AP5Z1: variants seen among roughly 807,000 people sequenced by gnomAD.
AP5Z1 encodes the protein AP-5 complex subunit zeta-1.
AP5Z1 carries 106 observed loss-of-function variants against 83.0 expected under a neutral mutation model. The ratio of observed to expected loss-of-function variants is 1.28; its 90% confidence interval spans 1.09 to 1.50. The LOEUF is 1.50. Ranked by LOEUF, AP5Z1 falls within the 40% of genes most tolerant of loss-of-function variation. AP5Z1 has a pLI of 0.00. For missense variants in AP5Z1, 1,565 were observed against 1,094.2 expected, an observed-to-expected ratio of 1.43 and a Z score of -6.07; for synonymous variants, 751 against 514.1, an observed-to-expected ratio of 1.46 and a Z score of -6.23.
chr7:4,776,756 A>G (rs570841154), intron 1 of AP5Z1, among the ~76,000 whole-genome samples: 25 of 152,112 alleles, frequency 1.6e-4, no homozygotes, highest in African/African-American at 5.8e-4. Flanking sequence ...GAAAAAAAGT[A>G]AAGAAAATAC....
chr7:4,785,606 G>T lies in AP5Z1; in HGVS notation c.1054G>T (p.Ala352Ser). 1.3e-6 allele frequency: 2 copies of T among 1,592,440 alleles called. No homozygotes were observed. The highest frequency in any genetic ancestry group is 8.5e-7 in the Non-Finnish European group (1 of 1,171,718). ...GTACCGAAGTCTCTCCTGCCTGAAGGCCCTGCACGGGCGGGTGCGCGGGGA... is the reference window on the plus strand; with the variant it reads ...GTACCGAAGTCTCTCCTGCCTGAAGTCCCTGCACGGGCGGGTGCGCGGGGA... ...FLYRSLSCLK[A>S]LHGRVRGDPA... The change falls in exon 9 of 17, where the codon GCC becomes TCC. Residue 352 changes from alanine (A) to serine (S), a missense_variant. Physicochemically the swap from Ala to Ser is moderately conservative, Grantham distance 99. Transcript: ENST00000649063.
intron 3 of AP5Z1, among the ~76,000 whole-genome samples, chr7:4,782,434 A>C (rs1781406815): frequency 6.6e-6 from 1 of 152,048 alleles, no homozygotes; most frequent in African/African-American, 2.4e-5. Context: ...ATCTCTGCTC[A>C]TGGGTTGCCC....
chr7:4,788,460 C>G, intron 12 of AP5Z1, 166 bp downstream of exon 12: 7 of 860,030 alleles, frequency 8.1e-6, no homozygotes, highest in South Asian at 2.3e-5. Flanking sequence ...TTCTGCACCA[C>G]GGGTCTGCCG....
intron 1 of AP5Z1, among the ~76,000 whole-genome samples, chr7:4,779,316 C>CAACACGTTATATATGATATATAACAT: frequency 6.8e-6 from 1 of 146,014 alleles, no homozygotes; most frequent in Non-Finnish European, 1.5e-5. Context: ...ACGTATATAA[C>CAACACGTTATATATGATATATAACAT]ATAACACGTT....
chr7:4,783,572 C>A, intron 4 of AP5Z1, 112 bp downstream of exon 4: 1 of 1,538,930 alleles, frequency 6.5e-7, no homozygotes, highest in Admixed American at 1.9e-5. Context: ...ACGGGGAGGC[C>A]CGAGGGTTTG....
rs550686881 is a variant in AP5Z1 at position 4,789,852 on chromosome 7, C to A, written c.1728C>A (p.Ile576=). The change falls in exon 14 of 17, where the codon ATC becomes ATA. Residue 576 remains isoleucine (I), a synonymous_variant. Coordinates refer to ENST00000649063, the MANE Select transcript of AP5Z1 (RefSeq NM_014855.3). ...CCCAGGTGGCTGACGGGTCCCTGAT[C>A]AACCAGCTGGCGCTGCTGCTCCTGG... is the stretch of plus-strand genomic sequence containing the variant. ...AVTQVADGSL[I]NQLALLLLGR... The A allele has an allele frequency of 1.4e-4, 215 of 1,552,672 alleles. 3 individuals carry two copies. The South Asian group carries it at 2.4e-3, about 17-fold the overall frequency.
rs1781390908 is a variant in AP5Z1 at position 4,781,817 on chromosome 7, C to A, written c.366+63C>A. The A allele has an allele frequency of 5.5e-6, 8 of 1,453,568 alleles. No homozygotes were observed. In the Admixed American group the frequency reaches 7.1e-5, roughly 13 times the overall value. The allele number at this position is 1,453,568 out of a possible 1,614,324, so 90.0% of individuals were successfully genotyped here. A position where few individuals can be genotyped will look rare whatever the true frequency, so the allele number is the denominator to read the frequency against. On this transcript the variant is annotated intron_variant, in intron 3 of 16. Coordinates refer to ENST00000649063, the MANE Select transcript of AP5Z1 (RefSeq NM_014855.3). ...GCTGCTTCCCAAGGAACAGGGGAGACAGGAAGCAGGGGCGCCAGAGCCGGC... is the reference window on the plus strand; with the variant it reads ...GCTGCTTCCCAAGGAACAGGGGAGAAAGGAAGCAGGGGCGCCAGAGCCGGC...
chr7:4,781,454 G>A, intron 2 of AP5Z1, 114 bp from the exon 3 acceptor site: 1 of 1,534,330 alleles, frequency 6.5e-7, no homozygotes. Flanking sequence ...CCATCCTCAT[G>A]TAAAATGCTC....
rs762490448 is a variant in AP5Z1, at chr7:4,784,227, G to A, written c.646G>A (p.Gly216Arg). ...RQPGPVTEVD[G>R]AVATDFFTVL... ...GCCGGGCCCCGTCACCGAGGTGGAC[G>A]GGGCGGTAGCCACAGACTTCTTCAC... The change falls in exon 6 of 17, where the codon GGG becomes AGG. Residue 216 changes from glycine to arginine, a missense_variant. Gly to Arg is a moderately radical substitution (Grantham distance 125, BLOSUM62 -2). Transcript: ENST00000649063. 5.7e-6 allele frequency: 9 copies of A among 1,587,800 alleles called. No homozygotes were observed. Among genetic ancestry groups the A allele is most frequent in the East Asian group, 2.3e-5 (1 of 43,340 alleles).
At position 4,793,044 on chromosome 7, in the gene AP5Z1, C is replaced by T. The variant is rs1006590596; in HGVS notation, c.*1659C>T. On this transcript the variant is annotated 3_prime_UTR_variant, in exon 17 of 17. Transcript: ENST00000649063. ...CCCAGGCACTCGTGGGGCCACCGCC[C>T]AGGCCAGCTGGTGCTAAGTCCGCAG... 4 of 152,576 alleles carry T rather than the reference C, an allele frequency of 2.6e-5. No individual in the cohort carries two copies. The highest frequency in any genetic ancestry group is 9.6e-5 in the African/African-American group (4 of 41,472). 9.5% of individuals were successfully genotyped at this position (152,576 alleles called of 1,614,324 possible).
In AP5Z1 at chr7:4,791,642, T is replaced by G; in HGVS notation, c.*257T>G. On this transcript the variant is annotated 3_prime_UTR_variant, in exon 17 of 17. Transcript: ENST00000649063. ...CCATGGAGCGGCTCTGATTGGAGGC[T>G]TGAGGCCCTGTGGCTGGGTCGGGTG... 1.3e-5 allele frequency: 7 copies of G among 544,722 alleles called. No homozygotes were observed. The highest frequency in any genetic ancestry group is 1.3e-5 in the Non-Finnish European group (4 of 316,076). 33.7% of individuals were successfully genotyped at this position (544,722 alleles called of 1,614,324 possible).
intron 3 of AP5Z1, among the ~76,000 whole-genome samples, 169 bp downstream of exon 3, chr7:4,781,923 C>T (rs564269660): frequency 3.9e-5 from 6 of 152,292 alleles, no homozygotes; most frequent in East Asian, 3.9e-4. Flanking sequence ...TTGACTGGAA[C>T]GGGGTCCCAT....
intron 10 of AP5Z1, 51 bp from the exon 11 acceptor site, chr7:4,787,583 G>A (rs1055005849): frequency 5.8e-5 from 89 of 1,522,328 alleles, no homozygotes; most frequent in Non-Finnish European, 7.2e-5. Flanking sequence ...TCCCTCTGCC[G>A]CCTGCTCCAC....
chr7:4,786,759 G>A (rs1781558116), intron 10 of AP5Z1, among the ~76,000 whole-genome samples: 1 of 152,032 alleles, frequency 6.6e-6, no homozygotes, highest in Admixed American at 6.5e-5. Flanking sequence ...TTGGGCACTT[G>A]GGTGCCATTT....
chr7:4,783,226 T>A (rs1781431789), intron 3 of AP5Z1, 90 bp from the exon 4 acceptor site: 1 of 1,465,382 alleles, frequency 6.8e-7, no homozygotes, highest in Non-Finnish European at 9.1e-7. Flanking sequence ...CGACCGACGC[T>A]TCTCAGGAGT....
chr7:4,790,394 T>A, intron 14 of AP5Z1, 65 bp from the exon 15 acceptor site: 1 of 1,609,714 alleles, frequency 6.2e-7, no homozygotes, highest in African/African-American at 1.3e-5. Context: ...TCCAGGCCCT[T>A]GGCCTGGATG....
chr7:4,790,344 G>T (rs760837570), intron 14 of AP5Z1, 115 bp from the exon 15 acceptor site: 2 of 1,564,256 alleles, frequency 1.3e-6, no homozygotes, highest in South Asian at 1.2e-5. Flanking sequence ...CTATCGGAGG[G>T]TGCAGCATAC....
At chr7:4,783,173 G>A in intron 3 of AP5Z1, 143 bp from the exon 4 acceptor site, 3 of 1,297,692 alleles carry the variant, frequency 2.3e-6, no homozygotes, top group South Asian at 3.2e-5. Flanking sequence ...GGGTGGGCCT[G>A]CGCGGGACAT....
chr7:4,785,441 C>G lies in AP5Z1; in HGVS notation c.958C>G (p.Leu320Val), dbSNP rs767525962. 7 of 1,613,314 alleles carry G rather than the reference C, an allele frequency of 4.3e-6. No homozygotes were observed. The highest frequency in any genetic ancestry group is 4.0e-5 in the African/African-American group (3 of 74,950). ...RRALRKGDSD[L>V]QKACLVEAVL... ...AGCCCTGAGGAAGGGGGACTCCGACCTGCAGAAAGCTGTAAGTGGCTGGGG... is the reference window on the plus strand; with the variant it reads ...AGCCCTGAGGAAGGGGGACTCCGACGTGCAGAAAGCTGTAAGTGGCTGGGG... Residue 320 changes from leucine to valine, a missense_variant, in exon 8 of 17, where the codon CTG (leucine) becomes GTG (valine). Transcript: ENST00000649063.
Sources: allele counts gnomAD v4.1 joint callset (sites outside exome capture counted in the v4.1 genomes callset), GRCh38; gene constraint gnomAD v4.1.1; transcripts MANE v1.5; gene names NCBI Gene and HGNC (gene_info 2026-07-23, HGNC 2026-07-21).